NOTCH1: variants seen among roughly 807,000 people sequenced by gnomAD.
The protein encoded by NOTCH1 is neurogenic locus notch homolog protein 1.
A neutral mutation model predicts 254.8 loss-of-function variants in NOTCH1; 37 were observed. That is an observed-to-expected ratio of 0.15 (90% CI 0.11 to 0.19). The LOEUF is 0.19. Among genes scored for constraint, NOTCH1 ranks in the 10% least tolerant of loss-of-function variants. NOTCH1 has a pLI of 1.00. For synonymous variants in NOTCH1, 1,731 were observed against 1,618.1 expected (o/e 1.07, Z -1.68); for missense variants, 2,972 against 3,708.6 (o/e 0.80, Z 5.16).
chr9:136,500,015 C>G (rs1367525483), intron 31 of NOTCH1, among the ~76,000 whole-genome samples: 10 of 152,186 alleles, frequency 6.6e-5, no homozygotes, highest in Non-Finnish European at 1.3e-4. Flanking sequence ...GGACTCGCAG[C>G]AGGGGTGACT....
Position 136,509,021 on chromosome 9 carries a change from C to G in NOTCH1, c.3020G>C (p.Cys1007Ser). 6.4e-7 allele frequency: 1 copy of G among 1,563,452 alleles called. No homozygotes were observed. The highest frequency in any genetic ancestry group is 8.7e-7 in the Non-Finnish European group (1 of 1,154,768). The change falls in exon 19 of 34, where the codon TGC becomes TCC. Residue 1007 changes from cysteine (C) to serine (S), a missense_variant. By Grantham distance (112) the Cys-to-Ser change is moderately radical (BLOSUM62 -1). This residue lies in a region of NOTCH1 where 1,343 missense variants were observed against 1,557.0 expected (regional missense o/e 0.86). Coordinates refer to ENST00000651671, the MANE Select transcript of NOTCH1 (RefSeq NM_017617.5). ...TCVDGINSFT[C>S]LCPPGFTGSY... The stretch of plus-strand genomic sequence containing the variant: ...GCCCGTGAAGCCGGGTGGACACAGG[C>G]AGGTGAACGAGTTGATGCCGTCCAC...
In NOTCH1 at chr9:136,517,435, A is replaced by C. The variant is rs114992629; in HGVS notation, c.1442-50T>G. 799 of 1,240,354 alleles carry C rather than the reference A, an allele frequency of 6.4e-4. 6 individuals carry two copies. The African/African-American group carries it at 0.011, about 17-fold the overall frequency. The allele number at this position is 1,240,354 out of a possible 1,614,324, so 76.8% of individuals were successfully genotyped here. Reference sequence around the variant, plus strand: ...GGGGCACGCGCGGCCCCAGTGCCCCACTGGGCACAGCTGTGGACTTGGGAC... The same window carrying C: ...GGGGCACGCGCGGCCCCAGTGCCCCCCTGGGCACAGCTGTGGACTTGGGAC... On this transcript the variant is annotated intron_variant, in intron 8 of 33. Transcript: ENST00000651671.
intron 2 of NOTCH1, among the ~76,000 whole-genome samples, chr9:136,530,386 G>C (rs1341742061): frequency 1.3e-5 from 2 of 152,230 alleles, no homozygotes; most frequent in Non-Finnish European, 2.9e-5. Context: ...CTGTCCTCCC[G>C]GGAAGCTACC....
At chr9:136,538,331 C>T (rs1420891457) in intron 2 of NOTCH1, among the ~76,000 whole-genome samples, 2 of 151,992 alleles carry the variant, frequency 1.3e-5, no homozygotes, top group African/African-American at 4.8e-5. Flanking sequence ...CAGGCCTCGC[C>T]GCAGGGCCCA....
intron 4 of NOTCH1, chr9:136,522,541 G>C: frequency 2.4e-6 from 1 of 412,030 alleles, no homozygotes; most frequent in Non-Finnish European, 4.3e-6. Context: ...GAAACCCTGG[G>C]GGTTGCGCAA....
intron 2 of NOTCH1, among the ~76,000 whole-genome samples, chr9:136,539,578 G>C (rs1052639832): frequency 6.6e-6 from 1 of 152,084 alleles, no homozygotes. Flanking sequence ...TAGTAGAGAC[G>C]GGGGTTTCGC....
Position 136,508,537 on chromosome 9 carries a change from C to G in NOTCH1, c.3172-152G>C, listed in dbSNP as rs1375852024. The G allele has an allele frequency of 4.3e-6, 5 of 1,150,354 alleles. No homozygotes were observed. The East Asian group carries it at 1.2e-4, about 28-fold the overall frequency. The allele number at this position is 1,150,354 out of a possible 1,614,324, so 71.3% of individuals were successfully genotyped here. ...CCGCCCCTGGACTCCCCACCACCCC[C>G]ACACCAGGAACAGCCTGGGCTGGGT... On this transcript the variant is annotated intron_variant, in intron 19 of 33. Coordinates refer to ENST00000651671, the MANE Select transcript of NOTCH1 (RefSeq NM_017617.5).
Position 136,545,768 on chromosome 9 carries a change from G to T in NOTCH1, c.19C>A (p.Pro7Thr), listed in dbSNP as rs1397523469. 2 of 1,363,248 alleles carry T rather than the reference G, an allele frequency of 1.5e-6. No homozygotes were observed. Among genetic ancestry groups the T allele is most frequent in the Admixed American group, 6.3e-5 (2 of 31,550 alleles). The allele number at this position is 1,363,248 out of a possible 1,614,324, so 84.4% of individuals were successfully genotyped here. The change falls in exon 1 of 34, where the codon CCC (proline) becomes ACC (threonine). Residue 7 changes from proline (P) to threonine (T), a missense_variant. Pro to Thr is a conservative substitution (Grantham distance 38). Transcript: ENST00000651671. The surrounding 1 kb of genome is among the most constrained non-coding windows in gnomAD (Gnocchi z 6.8). ...GGCAGCAGCGCCAGGCAGAGCAGGG[G>T]CGCCAGGAGCGGCGGCATGCCTCCC... Reference protein sequence around the residue: MPPLLAPLLCLALLPAL... With the variant: MPPLLATLLCLALLPAL...
At chr9:136,503,380 C>T (rs373237685) in intron 26 of NOTCH1, 50 bp from the exon 27 acceptor site, 36 of 1,610,840 alleles carry the variant, frequency 2.2e-5, no homozygotes, top group Admixed American at 1.7e-4. Context: ...CCTCCTCCCC[C>T]GCCCACCGGC....
chr9:136,536,344 G>A (rs914212504), intron 2 of NOTCH1, among the ~76,000 whole-genome samples: 2 of 152,180 alleles, frequency 1.3e-5, no homozygotes, highest in Non-Finnish European at 2.9e-5. Flanking sequence ...TCAGAGTGAG[G>A]GGCCAGGTTC....
chr9:136,511,319 T>A (rs570497025), intron 15 of NOTCH1, 48 bp from the exon 16 acceptor site: 1 of 1,567,794 alleles, frequency 6.4e-7, no homozygotes, highest in South Asian at 1.1e-5. Context: ...CCCAGAGGGA[T>A]CTCCCAAATC....
chr9:136,517,537 GC>G, intron 8 of NOTCH1, 152 bp from the exon 9 acceptor site: 2 of 828,504 alleles, frequency 2.4e-6, no homozygotes, highest in Non-Finnish European at 3.9e-6. Context: ...GCAGCCCGTG[GC>G]CCCTGGCCCG....
At chr9:136,535,385 CCT>C (rs1358326509) in intron 2 of NOTCH1, among the ~76,000 whole-genome samples, 24 of 152,140 alleles carry the variant, frequency 1.6e-4, no homozygotes, top group Non-Finnish European at 3.1e-4. Flanking sequence ...GCCCTGGGCC[CCT>C]GAGCCTGTGA....
rs1769717088 is a variant in NOTCH1 at position 136,496,012 on chromosome 9, G to GCGCA, written c.*55_*58dup. 12 of 1,554,158 alleles carry GCGCA rather than the reference G, an allele frequency of 7.7e-6. No individual in the cohort carries two copies. Among genetic ancestry groups the GCGCA allele is most frequent in the Non-Finnish European group, 7.8e-6 (9 of 1,153,326 alleles). On this transcript the variant is annotated 3_prime_UTR_variant, in exon 34 of 34. Coordinates refer to ENST00000651671, the MANE Select transcript of NOTCH1 (RefSeq NM_017617.5). Reference sequence around the variant, plus strand: ...TCTGGTCGGCCCTGGCATCCACAGAGCGCACACAGACGCCCGAAGGCTTGG... The same window carrying GCGCA: ...TCTGGTCGGCCCTGGCATCCACAGAGCGCACGCACACAGACGCCCGAAGGCTTGG...
At chr9:136,529,496 C>G (rs1843525113) in intron 2 of NOTCH1, among the ~76,000 whole-genome samples, 1 of 152,208 alleles carries the variant, frequency 6.6e-6, no homozygotes, top group Non-Finnish European at 1.5e-5. Flanking sequence ...CTCGGGTCCT[C>G]TCCCACTGGA....
intron 4 of NOTCH1, 25 bp from the exon 5 acceptor site, chr9:136,519,590 C>A: frequency 6.2e-7 from 1 of 1,612,496 alleles, no homozygotes; most frequent in Non-Finnish European, 8.5e-7. Flanking sequence ...GCCGGGTCAG[C>A]CTCTTCCCTG....
intron 2 of NOTCH1, among the ~76,000 whole-genome samples, chr9:136,539,641 C>T (rs1270866647): frequency 6.6e-6 from 1 of 152,176 alleles, no homozygotes; most frequent in Non-Finnish European, 1.5e-5. Context: ...CTGCCCACCT[C>T]GGATGCTGCA....
chr9:136,502,455 A>T lies in NOTCH1; in HGVS notation c.5201T>A (p.Leu1734Gln), dbSNP rs780546252. The T allele has an allele frequency of 6.3e-7, 1 of 1,597,606 alleles. No homozygotes were observed. The highest frequency in any genetic ancestry group is 1.1e-5 in the South Asian group (1 of 90,262). Residue 1734 changes from leucine (L) to glutamine (Q), a missense_variant, in exon 28 of 34, where the codon CTG becomes CAG. Coordinates refer to ENST00000651671, the MANE Select transcript of NOTCH1 (RefSeq NM_017617.5). ...ETVEPPPPAQLHFMYVAAAAF... is the reference protein window; with the variant it reads ...ETVEPPPPAQQHFMYVAAAAF... ...GGCCGCCGCCACGTACATGAAGTGC[A>T]GCTGCGCCGGCGGGGGCGGCTCCAC...
At chr9:136,497,938 C>T (rs541396122) in intron 33 of NOTCH1, among the ~76,000 whole-genome samples, 2 of 152,168 alleles carry the variant, frequency 1.3e-5, no homozygotes, top group Middle Eastern at 3.2e-3. Context: ...GGCGAGGGCA[C>T]CAGGGAGGGA....
Sources: gnomAD v4.1 joint callset for allele counts (sites outside exome capture counted in the v4.1 genomes callset) on GRCh38, gnomAD v4.1.1 for gene constraint, gnomAD v4.1.1 regional missense constraint, Gnocchi (gnomAD v3.1) non-coding constraint, MANE v1.5 for transcripts, NCBI Gene and HGNC (gene_info 2026-07-23, HGNC 2026-07-21) for gene names.